Variants in DMD observed in about 807,000 individuals in gnomAD.
The protein encoded by DMD is mutant dystrophin.
Under a neutral mutation model 330.1 loss-of-function variants are expected in DMD, and 63 were observed. The observed-to-expected ratio is 0.19, with a 90% CI of 0.16 to 0.24. The LOEUF is 0.24. Among genes scored for constraint, DMD ranks in the 10% least tolerant of loss-of-function variants. The pLI is 1.00. For missense variants in DMD, 3,344 were observed against 2,684.1 expected, an observed-to-expected ratio of 1.25 and a Z score of -5.43; for synonymous variants, 1,223 against 959.8, an observed-to-expected ratio of 1.27 and a Z score of -5.07.
At chrX:32,834,131 A>T (rs183728982) in intron 4 of DMD, among the ~76,000 whole-genome samples, 2 of 111,655 alleles carry the variant, frequency 1.8e-5, no homozygotes, top group African/African-American at 6.5e-5. Context: ...AAAGTCACGG[A>T]ATCATTTGGC....
intron 45 of DMD, among the ~76,000 whole-genome samples, chrX:31,958,840 C>A (rs747039288): frequency 9.0e-6 from 1 of 111,559 alleles, no homozygotes; most frequent in African/African-American, 3.3e-5. Flanking sequence ...GTTTTCTGAT[C>A]ACCTTATTTT....
intron 1 of DMD, among the ~76,000 whole-genome samples, chrX:33,056,769 G>C (rs2094523157): frequency 9.0e-6 from 1 of 111,642 alleles, no homozygotes; most frequent in Non-Finnish European, 1.9e-5. Flanking sequence ...CTTTGATCTA[G>C]TTAACACTTA....
At chrX:32,066,231 C>A (rs1236745485) in intron 44 of DMD, among the ~76,000 whole-genome samples, 3 of 111,483 alleles carry the variant, frequency 2.7e-5, no homozygotes, top group Non-Finnish European at 3.8e-5. Context: ...AGCATTTCAA[C>A]AGAACTTAAA....
intron 9 of DMD, among the ~76,000 whole-genome samples, chrX:32,650,658 C>T (rs1422126579): frequency 8.9e-6 from 1 of 111,869 alleles, no homozygotes; most frequent in Admixed American, 9.5e-5. Context: ...ATCCATCATG[C>T]AACACTGTAC....
chrX:32,589,418 G>A (rs1454460357), intron 13 of DMD, among the ~76,000 whole-genome samples: 1 of 110,220 alleles, frequency 9.1e-6, no homozygotes, highest in African/African-American at 3.3e-5. Flanking sequence ...TATCTCATAT[G>A]TGCTTATGTT....
chrX:32,973,495 G>C (rs2092451339), intron 2 of DMD, among the ~76,000 whole-genome samples: 1 of 111,880 alleles, frequency 8.9e-6, no homozygotes, highest in Non-Finnish European at 1.9e-5. Context: ...TGCTAGAACA[G>C]CGTTTGCTTG....
At chrX:31,754,032 A>C (rs753624671) in intron 51 of DMD, among the ~76,000 whole-genome samples, 1 of 111,835 alleles carries the variant, frequency 8.9e-6, no homozygotes, top group African/African-American at 3.2e-5. Flanking sequence ...AGAAAAGATT[A>C]CAAGTGAAGT....
chrX:31,928,462 T>C (rs1255770184), intron 47 of DMD, among the ~76,000 whole-genome samples: 2 of 110,828 alleles, frequency 1.8e-5, no homozygotes, highest in African/African-American at 6.6e-5. Flanking sequence ...AAAACTTAGC[T>C]GGGCATGCTG....
chrX:31,359,181 A>G (rs1012157155), intron 60 of DMD, among the ~76,000 whole-genome samples: 2 of 112,675 alleles, frequency 1.8e-5, no homozygotes, highest in Admixed American at 9.4e-5. Context: ...ACAAATAAGC[A>G]TAATAAAGTA....
intron 1 of DMD, among the ~76,000 whole-genome samples, chrX:33,203,290 G>A (rs780445433): frequency 2.0e-3 from 219 of 112,146 alleles, no homozygotes; most frequent in African/African-American, 7.0e-3. Flanking sequence ...CTGAGCAATT[G>A]AAATTGAGAC....
At chrX:32,044,676 C>T (rs2096047230) in intron 44 of DMD, among the ~76,000 whole-genome samples, 2 of 111,429 alleles carry the variant, frequency 1.8e-5, no homozygotes, top group South Asian at 7.5e-4. Context: ...CCCGCCTTGG[C>T]CTCCCAAAGT....
chrX:32,812,078 G>A (rs1282278200), intron 6 of DMD, among the ~76,000 whole-genome samples: 1 of 111,061 alleles, frequency 9.0e-6, no homozygotes, highest in African/African-American at 3.3e-5. Context: ...CAACAGCACT[G>A]GAAGTCATTA....
At chrX:32,527,725 G>A (rs1348272505) in intron 17 of DMD, among the ~76,000 whole-genome samples, 1 of 110,993 alleles carries the variant, frequency 9.0e-6, no homozygotes, top group Non-Finnish European at 1.9e-5. Context: ...TGACTACATG[G>A]CAATTATTAT....
intron 29 of DMD, among the ~76,000 whole-genome samples, chrX:32,425,587 A>G (rs1368839501): frequency 9.0e-6 from 1 of 111,349 alleles, no homozygotes; most frequent in Non-Finnish European, 1.9e-5. Flanking sequence ...TCACAGATTT[A>G]TTGTCTCTAT....
At chrX:32,648,942 C>A (rs1569387042) in intron 9 of DMD, among the ~76,000 whole-genome samples, 1 of 110,729 alleles carries the variant, frequency 9.0e-6, no homozygotes, top group Non-Finnish European at 1.9e-5. Flanking sequence ...AAAGATAGAC[C>A]CCAATCGTTT....
chrX:32,552,057 T>G (rs759313556), intron 16 of DMD, among the ~76,000 whole-genome samples: 3 of 112,097 alleles, frequency 2.7e-5, no homozygotes, highest in Non-Finnish European at 5.6e-5. Context: ...CCTAAAGCAC[T>G]TTTTAATTCA....
At chrX:33,240,682 C>T (rs1019446883) in intron 1 of DMD, among the ~76,000 whole-genome samples, 11 of 111,867 alleles carry the variant, frequency 9.8e-5, no homozygotes, top group African/African-American at 2.9e-4. Context: ...TTCCCACCAA[C>T]GGTGTGCAAG....
intron 7 of DMD, among the ~76,000 whole-genome samples, chrX:32,764,008 G>A (rs1187085626): frequency 1.8e-5 from 2 of 110,941 alleles, no homozygotes; most frequent in African/African-American, 3.3e-5. Context: ...AACTGATAAC[G>A]AAAATCTTTA....
intron 4 of DMD, among the ~76,000 whole-genome samples, chrX:32,842,589 C>T (rs1338158233): frequency 1.8e-5 from 2 of 110,977 alleles, no homozygotes; most frequent in Non-Finnish European, 3.8e-5. Flanking sequence ...CAAAGTTCCC[C>T]AGCACTAGCT....
Sources: allele counts gnomAD v4.1 joint callset (sites outside exome capture counted in the v4.1 genomes callset), GRCh38; gene constraint gnomAD v4.1.1; transcripts MANE v1.5; gene names NCBI Gene and HGNC (gene_info 2026-07-23, HGNC 2026-07-21).